Variants in EFCAB6 observed in about 807,000 individuals in gnomAD.
EFCAB6 encodes EF-hand calcium binding domain 6.
EFCAB6 carries 156 observed loss-of-function variants against 169.8 expected under a neutral mutation model. That is an observed-to-expected ratio of 0.92 (90% confidence interval 0.81 to 1.05). The LOEUF (loss-of-function observed/expected upper bound fraction) is 1.05, where lower values mean the gene tolerates loss of function less well. EFCAB6 is among the 50% of genes least tolerant of loss of function. The probability of loss-of-function intolerance (pLI) is 0.00; values close to 1 mark genes in which losing one functional copy is unlikely to be tolerated. For missense variants in EFCAB6, 1,800 were observed against 1,829.1 expected, an observed-to-expected ratio of 0.98 and a Z score of 0.29; for synonymous variants, 698 against 676.4, an observed-to-expected ratio of 1.03 and a Z score of -0.50.
chr22:43,606,773 T>C (rs1462437845), intron 22 of EFCAB6, among the ~76,000 whole-genome samples: 1 of 152,262 alleles, frequency 6.6e-6, no homozygotes, highest in East Asian at 1.9e-4. Context: ...TTCATAATTA[T>C]GTTCATAAAC....
At chr22:43,561,217 C>T (rs1199305056) in intron 26 of EFCAB6, among the ~76,000 whole-genome samples, 2 of 151,844 alleles carry the variant, frequency 1.3e-5, no homozygotes, top group South Asian at 2.1e-4. Context: ...ATTAGCCAGG[C>T]GTGGTGGCGG....
At chr22:43,759,048 C>A (rs2061057476) in intron 5 of EFCAB6, among the ~76,000 whole-genome samples, 2 of 152,296 alleles carry the variant, frequency 1.3e-5, no homozygotes, top group South Asian at 2.1e-4. Context: ...CATGGTGAAA[C>A]CCTGTCTCTA....
intron 17 of EFCAB6, among the ~76,000 whole-genome samples, chr22:43,641,347 G>A (rs936919810): frequency 2.6e-5 from 4 of 152,178 alleles, no homozygotes; most frequent in Non-Finnish European, 4.4e-5. Context: ...CAGGCACAGC[G>A]GCTCACACCT....
Position 43,689,330 on chromosome 22 carries a change from C to T in EFCAB6, c.1032-1749G>A, listed in dbSNP as rs898114420. On this transcript the variant is annotated intron_variant, in intron 10 of 31. Coordinates refer to ENST00000262726, the MANE Select transcript of EFCAB6 (RefSeq NM_022785.4). ...GTGAGCCACGCGAGGGAGAGTGGGCCACGTGAGGGAGAGCACGTGCACACA... is the reference window on the plus strand; with the variant it reads ...GTGAGCCACGCGAGGGAGAGTGGGCTACGTGAGGGAGAGCACGTGCACACA... 6.3e-5 allele frequency among the ~76,000 whole-genome samples: 9 copies of T among 142,930 alleles called. 1 individual carries two copies. The Admixed American group carries it at 6.5e-4, about 10-fold the overall frequency. 93.8% of individuals were successfully genotyped at this position (142,930 alleles called of 152,430 possible). A position where few individuals can be genotyped will look rare whatever the true frequency, so the allele number is the denominator to read the frequency against.
At chr22:43,719,066 A>T (rs1312283265) in intron 8 of EFCAB6, among the ~76,000 whole-genome samples, 3 of 152,122 alleles carry the variant, frequency 2.0e-5, no homozygotes, top group Admixed American at 2.0e-4. Context: ...TTTAAACAAC[A>T]TGTCTGGCTT....
At chr22:43,682,157 G>A (rs1463684805) in intron 12 of EFCAB6, among the ~76,000 whole-genome samples, 2 of 152,132 alleles carry the variant, frequency 1.3e-5, no homozygotes, top group Non-Finnish European at 2.9e-5. Flanking sequence ...GGGGGGATGG[G>A]AGGGGAGGGG....
Position 43,619,731 on chromosome 22 carries a change from A to C in EFCAB6, c.2466-3809T>G, listed in dbSNP as rs565596885. 2.6e-5 allele frequency among the ~76,000 whole-genome samples: 4 copies of C among 152,328 alleles called. No homozygotes were observed. In the East Asian group the frequency reaches 7.7e-4, roughly 29 times the overall value. The stretch of plus-strand genomic sequence containing the variant: ...GAAAATAAAAATAACATAGTCTCAG[A>C]GATACAAAACCTGTGATACAAAACC... On this transcript the variant is annotated intron_variant, in intron 20 of 31. Coordinates refer to ENST00000262726, the MANE Select transcript of EFCAB6 (RefSeq NM_022785.4).
intron 11 of EFCAB6, among the ~76,000 whole-genome samples, chr22:43,685,267 T>C (rs1024233257): frequency 6.6e-6 from 1 of 151,944 alleles, no homozygotes; most frequent in Non-Finnish European, 1.5e-5. Context: ...CCTAGAAACC[T>C]GGTAAAGCAC....
At chr22:43,653,567 C>A (rs1474896840) in intron 17 of EFCAB6, among the ~76,000 whole-genome samples, 2 of 152,092 alleles carry the variant, frequency 1.3e-5, no homozygotes, top group African/African-American at 4.8e-5. Flanking sequence ...AGACAAACTG[C>A]AAATTAATGA....
At chr22:43,747,047 T>C (rs2060590902) in intron 6 of EFCAB6, among the ~76,000 whole-genome samples, 1 of 152,204 alleles carries the variant, frequency 6.6e-6, no homozygotes, top group Non-Finnish European at 1.5e-5. Flanking sequence ...CGCAGAAGAC[T>C]GTTCAGGTTA....
intron 11 of EFCAB6, among the ~76,000 whole-genome samples, chr22:43,684,563 A>G (rs1157561383): frequency 6.6e-6 from 1 of 152,168 alleles, no homozygotes; most frequent in Non-Finnish European, 1.5e-5. Context: ...CCCATGAAAC[A>G]ATGAATGACA....
chr22:43,731,507 A>G (rs1401625787), intron 8 of EFCAB6, among the ~76,000 whole-genome samples, 192 bp downstream of exon 8: 2 of 152,154 alleles, frequency 1.3e-5, no homozygotes, highest in Admixed American at 6.6e-5. Context: ...ACATGGCTAT[A>G]TTGTGACTCA....
chr22:43,587,257 G>C (rs1205013085), intron 24 of EFCAB6, among the ~76,000 whole-genome samples: 1 of 152,118 alleles, frequency 6.6e-6, no homozygotes, highest in Non-Finnish European at 1.5e-5. Flanking sequence ...TGAGCAGGAG[G>C]GCATCTGTCC....
rs1388247096 is a variant in EFCAB6 at position 43,528,955 on chromosome 22, G to C, written c.4404C>G (p.Ile1468Met). ...GGAAGAACTCTTCCTCAGAGAGGTT[G>C]ATGCTGTACTGTCTCAGGACCTGGA... is the stretch of plus-strand genomic sequence containing the variant. ...DFRTVLRQYSINLSEEEFFHI... is the reference protein window; with the variant it reads ...DFRTVLRQYSMNLSEEEFFHI... The change falls in exon 32 of 32, where the codon ATC (isoleucine) becomes ATG (methionine). Residue 1468 changes from isoleucine to methionine, a missense_variant. Coordinates refer to ENST00000262726, the MANE Select transcript of EFCAB6 (RefSeq NM_022785.4). 4 of 1,596,054 alleles carry C rather than the reference G, an allele frequency of 2.5e-6. No homozygotes were observed. The South Asian group carries it at 4.4e-5, about 18-fold the overall frequency.
intron 17 of EFCAB6, among the ~76,000 whole-genome samples, chr22:43,665,665 C>T (rs1410509627): frequency 6.6e-6 from 1 of 152,174 alleles, no homozygotes; most frequent in African/African-American, 2.4e-5. Context: ...AATTCAGCTC[C>T]CATGGCTACC....
intron 8 of EFCAB6, among the ~76,000 whole-genome samples, chr22:43,719,241 C>T (rs992193682): frequency 6.6e-6 from 1 of 152,186 alleles, no homozygotes; most frequent in Non-Finnish European, 1.5e-5. Flanking sequence ...CTTTCATTCT[C>T]CAGGGCAGCT....
rs34752280 is a variant in EFCAB6 at position 43,789,847 on chromosome 22, T to TCACACACACACACACACA, written c.-7-7540_-7-7523dup. 1.0e-3 allele frequency among the ~76,000 whole-genome samples: 144 copies of TCACACACACACACACACA among 143,400 alleles called. 1 individual carries two copies. The highest frequency in any genetic ancestry group is 2.1e-3 in the South Asian group (9 of 4,318). 94.1% of individuals were successfully genotyped at this position (143,400 alleles called of 152,430 possible). Reference sequence around the variant, plus strand: ...CTGAGGCTCCTAAGTTGGCTAACCTTCACACACACACACACACACACACAC... The same window carrying TCACACACACACACACACA: ...CTGAGGCTCCTAAGTTGGCTAACCTTCACACACACACACACACACACACACACACACACACACACACAC... On this transcript the variant is annotated intron_variant, in intron 2 of 31. Transcript: ENST00000262726.
intron 3 of EFCAB6, among the ~76,000 whole-genome samples, chr22:43,778,836 G>A (rs2061719981): frequency 6.6e-6 from 1 of 152,168 alleles, no homozygotes. Context: ...TTTTCTGGTG[G>A]TAAATATTAT....
At position 43,744,331 on chromosome 22, in the gene EFCAB6, C is replaced by G. The variant is rs1603308455; in HGVS notation, c.508-8338G>C. On this transcript the variant is annotated intron_variant, in intron 6 of 31. Transcript: ENST00000262726. The surrounding 1 kb of genome is among the most constrained non-coding windows in gnomAD (Gnocchi z 4.3). Reference sequence around the variant, plus strand: ...ATCCTTGTAGAGACAGGACAGGAACCTGCAAAAAGGGTAGACAAGCATCTC... The same window carrying G: ...ATCCTTGTAGAGACAGGACAGGAACGTGCAAAAAGGGTAGACAAGCATCTC... 6.6e-6 allele frequency among the ~76,000 whole-genome samples: 1 copy of G among 152,110 alleles called. No homozygotes were observed. Among genetic ancestry groups the G allele is most frequent in the Non-Finnish European group, 1.5e-5 (1 of 67,972 alleles).
Sources: allele counts gnomAD v4.1 joint callset (sites outside exome capture counted in the v4.1 genomes callset), GRCh38; gene constraint gnomAD v4.1.1; non-coding constraint Gnocchi (gnomAD v3.1); transcripts MANE v1.5; gene names NCBI Gene and HGNC (gene_info 2026-07-23, HGNC 2026-07-21).